Variants in GRIA1 observed in about 807,000 individuals in gnomAD.
GRIA1 encodes the protein glutamate ionotropic receptor AMPA type subunit 1, also known as glutamate receptor 1.
Under a neutral mutation model 99.2 loss-of-function variants are expected in GRIA1, and 31 were observed. That is an observed-to-expected ratio of 0.31 (90% confidence interval 0.23 to 0.42). GRIA1 has a LOEUF of 0.42. Among genes scored for constraint, GRIA1 ranks in the 10% least tolerant of loss-of-function variants. The probability of loss-of-function intolerance (pLI) is 1.00; values close to 1 mark genes in which losing one functional copy is unlikely to be tolerated. For synonymous variants in GRIA1, 438 were observed against 432.4 expected (o/e 1.01, Z -0.16); for missense variants, 782 against 1,157.5 (o/e 0.68, Z 4.71).
intron 11 of GRIA1, among the ~76,000 whole-genome samples, chr5:153,731,095 A>T (rs1760980113): frequency 6.6e-6 from 1 of 151,910 alleles, no homozygotes; most frequent in Admixed American, 6.6e-5. Flanking sequence ...CCTTGATCAG[A>T]CTCTATCACT....
At chr5:153,695,707 T>C (rs1758046545) in intron 8 of GRIA1, among the ~76,000 whole-genome samples, 1 of 152,216 alleles carries the variant, frequency 6.6e-6, no homozygotes, top group African/African-American at 2.4e-5. Flanking sequence ...TAGAAAGCAA[T>C]GTCTCCTTCC....
chr5:153,551,423 C>T (rs1760131975), intron 2 of GRIA1, among the ~76,000 whole-genome samples: 1 of 151,908 alleles, frequency 6.6e-6, no homozygotes, highest in Admixed American at 6.6e-5. Context: ...TCATTTGAAC[C>T]TTTGATAGAA....
At chr5:153,624,761 CA>C (rs1767425578) in intron 2 of GRIA1, among the ~76,000 whole-genome samples, 2 of 152,182 alleles carry the variant, frequency 1.3e-5, no homozygotes, top group Admixed American at 6.5e-5. Flanking sequence ...ATTAGATAAT[CA>C]CGTGGAAAAC....
intron 12 of GRIA1, 130 bp downstream of exon 12, chr5:153,764,762 G>A (rs905967583): frequency 3.1e-6 from 2 of 651,454 alleles, no homozygotes; most frequent in Admixed American, 2.6e-5. Flanking sequence ...GTAAGTCAGG[G>A]AAACTCAGGA....
chr5:153,654,032 C>T (rs1754761414), intron 4 of GRIA1, among the ~76,000 whole-genome samples: 1 of 152,114 alleles, frequency 6.6e-6, no homozygotes, highest in Non-Finnish European at 1.5e-5. Context: ...ATTTATAACA[C>T]CTTTCTCAGT....
chr5:153,531,915 G>C lies in GRIA1; in HGVS notation c.220+37850G>C, dbSNP rs568852648. 2.0e-5 allele frequency among the ~76,000 whole-genome samples: 3 copies of C among 152,208 alleles called. No individual in the cohort carries two copies. The Middle Eastern group carries it at 0.01, about 518-fold the overall frequency. ...TCTCACATTTAAGGACTGTGCACCT[G>C]GGGTCAGGTAGTGAGTAAGTGGTAG... On this transcript the variant is annotated intron_variant, in intron 2 of 15. Coordinates refer to ENST00000285900, the MANE Select transcript of GRIA1 (RefSeq NM_000827.4).
chr5:153,573,269 CAAG>C (rs1762276090), intron 2 of GRIA1: 1 of 152,114 alleles, frequency 6.6e-6, no homozygotes, highest in Admixed American at 6.5e-5. Flanking sequence ...AGGACATTTA[CAAG>C]GTGAGGAGAA....
intron 2 of GRIA1, among the ~76,000 whole-genome samples, chr5:153,565,121 A>G (rs1462867028): frequency 1.3e-5 from 2 of 152,200 alleles, no homozygotes; most frequent in East Asian, 3.9e-4. Flanking sequence ...AAAAAGGTTT[A>G]TTTTAAAGAA....
chr5:153,586,658 G>A (rs1763510586), intron 2 of GRIA1, among the ~76,000 whole-genome samples: 2 of 152,188 alleles, frequency 1.3e-5, no homozygotes, highest in Admixed American at 1.3e-4. Context: ...GTGAGAACCA[G>A]GAGAGTGGCA....
intron 2 of GRIA1, among the ~76,000 whole-genome samples, chr5:153,596,955 T>C (rs962158523): frequency 1.2e-4 from 18 of 152,176 alleles, no homozygotes; most frequent in Non-Finnish European, 2.5e-4. Flanking sequence ...GAGGTGGACG[T>C]AGGGTCTCTG....
intron 2 of GRIA1, among the ~76,000 whole-genome samples, chr5:153,517,593 G>A (rs373690362): frequency 2.0e-5 from 3 of 152,176 alleles, no homozygotes; most frequent in African/African-American, 4.8e-5. Context: ...CTGGAGATGC[G>A]TTCACTAATC....
chr5:153,778,514 T>C (rs1319338004), intron 13 of GRIA1, among the ~76,000 whole-genome samples: 1 of 152,090 alleles, frequency 6.6e-6, no homozygotes, highest in African/African-American at 2.4e-5. Context: ...GTTTTCACCT[T>C]CATCACATAA....
intron 7 of GRIA1, among the ~76,000 whole-genome samples, chr5:153,683,428 A>T (rs969979551): frequency 6.6e-6 from 1 of 152,162 alleles, no homozygotes. Flanking sequence ...GTCAAGCGCC[A>T]TCAGCTCTGA....
chr5:153,617,803 T>C lies in GRIA1; in HGVS notation c.221-29125T>C, dbSNP rs1320487347. On this transcript the variant is annotated intron_variant, in intron 2 of 15. Coordinates refer to ENST00000285900, the MANE Select transcript of GRIA1 (RefSeq NM_000827.4). Reference sequence around the variant, plus strand: ...ACTTTCCCCTCCTCTCTACCTTCTTTCCCTTAAGTCCTTCTGATACACTAC... The same window carrying C: ...ACTTTCCCCTCCTCTCTACCTTCTTCCCCTTAAGTCCTTCTGATACACTAC... Among the ~76,000 whole-genome samples, 4 of 152,218 alleles carry C rather than the reference T, an allele frequency of 2.6e-5. No individual in the cohort carries two copies. The East Asian group carries it at 5.8e-4, about 22-fold the overall frequency.
chr5:153,592,958 C>T (rs1354848468), intron 2 of GRIA1, among the ~76,000 whole-genome samples: 7 of 152,148 alleles, frequency 4.6e-5, no homozygotes, highest in African/African-American at 1.7e-4. Context: ...GCTCCACCCT[C>T]GTGACCTCTT....
chr5:153,563,409 G>C (rs1210446751), intron 2 of GRIA1, among the ~76,000 whole-genome samples: 1 of 152,120 alleles, frequency 6.6e-6, no homozygotes, highest in Admixed American at 6.5e-5. Flanking sequence ...AGAAACAACT[G>C]TTCTTTTCTT....
At chr5:153,725,645 G>A (rs1211921693) in intron 11 of GRIA1, among the ~76,000 whole-genome samples, 1 of 102,910 alleles carries the variant, frequency 9.7e-6, no homozygotes, top group Non-Finnish European at 1.9e-5. Context: ...AAGAGACAAG[G>A]CCATTACATA....
intron 2 of GRIA1, among the ~76,000 whole-genome samples, chr5:153,594,171 C>T (rs1233178118): frequency 6.6e-6 from 1 of 152,154 alleles, no homozygotes; most frequent in African/African-American, 2.4e-5. Flanking sequence ...CTCTAAAGTT[C>T]TAACTTCAAG....
At chr5:153,697,020 T>G (rs1758163551) in intron 8 of GRIA1, among the ~76,000 whole-genome samples, 1 of 152,202 alleles carries the variant, frequency 6.6e-6, no homozygotes, top group Non-Finnish European at 1.5e-5. Context: ...TTGGGCTAAC[T>G]CTATCTTCCA....
Sources: gnomAD v4.1 joint callset for allele counts (sites outside exome capture counted in the v4.1 genomes callset) on GRCh38, gnomAD v4.1.1 for gene constraint, MANE v1.5 for transcripts, NCBI Gene and HGNC (gene_info 2026-07-23, HGNC 2026-07-21) for gene names.